Variants in AUNIP observed in about 807,000 individuals in gnomAD.
The protein encoded by AUNIP is aurora kinase A and ninein interacting protein.
In AUNIP, 16 loss-of-function variants were observed where a neutral mutation model predicts 12.2. The ratio of observed to expected loss-of-function variants is 1.31; its 90% CI spans 0.88 to 1.99. AUNIP has a LOEUF of 1.99. Among genes scored for constraint, AUNIP ranks in the 30% most tolerant of loss-of-function variants. The pLI, the probability that AUNIP is intolerant of heterozygous loss-of-function variation, is 0.00. For missense variants in AUNIP, 411 were observed against 419.1 expected, an observed-to-expected ratio of 0.98 and a Z score of 0.17; for synonymous variants, 142 against 154.8, an observed-to-expected ratio of 0.92 and a Z score of 0.61.
At chr1:25,851,147 T>C (rs2048421583) in intron 1 of AUNIP, among the ~76,000 whole-genome samples, 1 of 152,198 alleles carries the variant, frequency 6.6e-6, no homozygotes, top group South Asian at 2.1e-4. Flanking sequence ...GGTTTTTGTC[T>C]TTTATGCTAT....
At chr1:25,833,364 C>G (rs1210277659), downstream of AUNIP, among the ~76,000 whole-genome samples, 1 of 152,112 alleles carries the variant, frequency 6.6e-6, no homozygotes, top group African/African-American at 2.4e-5. Flanking sequence ...AAACCTCCCA[C>G]CTCAGCCTCC....
chr1:25,852,460 G>T (rs7414940), intron 1 of AUNIP, among the ~76,000 whole-genome samples: 20,688 of 112,996 alleles, frequency 0.18, 2,054 homozygotes, highest in African/African-American at 0.24. Context: ...TTTTTTTTTT[G>T]TTGTTTTTTT....
At chr1:25,846,607 A>C (rs213625) in intron 1 of AUNIP, among the ~76,000 whole-genome samples, 32,651 of 151,874 alleles carry the variant, frequency 0.21, 3,780 homozygotes, top group African/African-American at 0.27. Flanking sequence ...CCTCTAATCC[A>C]AGCTACTCAG....
rs1036912222 is a variant in AUNIP at position 25,847,524 on chromosome 1, A to G, written c.79-9970T>C. Among the ~76,000 whole-genome samples, 1 of 151,962 alleles carries G rather than the reference A, an allele frequency of 6.6e-6. No individual in the cohort carries two copies. On this transcript the variant is annotated intron_variant, in intron 1 of 2. Transcript: ENST00000374298. The surrounding 1 kb of genome is among the most constrained non-coding windows in gnomAD (Gnocchi z 4.2). ...AAGTGATCTGCCCACCTCAGCCTCC[A>G]AAAGTGCTGGGATTACAGGCATAAA...
chr1:25,858,659 T>C (rs1206682974), intron 1 of AUNIP, among the ~76,000 whole-genome samples: 1 of 152,204 alleles, frequency 6.6e-6, no homozygotes, highest in Non-Finnish European at 1.5e-5. Flanking sequence ...CCTAGGTTAG[T>C]TACTGAACCT....
intron 1 of AUNIP, among the ~76,000 whole-genome samples, chr1:25,837,805 TAAAC>T (rs2048315587): frequency 6.6e-6 from 1 of 152,218 alleles, no homozygotes. Context: ...TCAGGCTGAC[TAAAC>T]AAACAGGATT....
chr1:25,843,172 C>CA (rs1216108790), intron 1 of AUNIP, among the ~76,000 whole-genome samples: 6,914 of 134,768 alleles, frequency 0.051, 577 homozygotes, highest in African/African-American at 0.19. Flanking sequence ...GACCCCATCT[C>CA]AAAAAAAAAA....
intron 1 of AUNIP, among the ~76,000 whole-genome samples, chr1:25,846,744 A>AT (rs145243406): frequency 0.012 from 1,888 of 152,230 alleles, 40 homozygotes; most frequent in African/African-American, 0.043. Context: ...TGCTAATGAG[A>AT]TTTTTTTCAC....
At chr1:25,838,270 C>T (rs559579283) in intron 1 of AUNIP, among the ~76,000 whole-genome samples, 206 of 150,442 alleles carry the variant, frequency 1.4e-3, no homozygotes, top group African/African-American at 4.8e-3. Context: ...TTTGGGAGGC[C>T]GAGGCGGGTG....
downstream of AUNIP, among the ~76,000 whole-genome samples, chr1:25,833,166 G>A (rs1445240256): frequency 6.6e-6 from 1 of 151,914 alleles, no homozygotes; most frequent in East Asian, 1.9e-4. Context: ...ATGCCGGAGT[G>A]CAGTGGTGGG....
At chr1:25,854,953 C>CTTTTTTTTTTT (rs1159770557) in intron 1 of AUNIP, among the ~76,000 whole-genome samples, 1 of 121,122 alleles carries the variant, frequency 8.3e-6, no homozygotes, top group African/African-American at 3.4e-5. Context: ...AGAATTCTTT[C>CTTTTTTTTTTT]TTTTTTTTTT....
chr1:25,857,817 C>T (rs979736073), intron 1 of AUNIP, among the ~76,000 whole-genome samples: 1 of 148,898 alleles, frequency 6.7e-6, no homozygotes, highest in Non-Finnish European at 1.5e-5. Context: ...GAGCTTAGAT[C>T]GCGCCACTGC....
At chr1:25,842,353 A>G (rs2048352581) in intron 1 of AUNIP, among the ~76,000 whole-genome samples, 1 of 152,254 alleles carries the variant, frequency 6.6e-6, no homozygotes, top group African/African-American at 2.4e-5. Context: ...ATTCAATTCT[A>G]TGCAAGCTGA....
chr1:25,834,317 T>TAA lies in AUNIP; in HGVS notation c.*674_*675dup. The TAA allele has an allele frequency of 8.1e-6, 8 of 985,090 alleles. No homozygotes were observed. The highest frequency in any genetic ancestry group is 9.6e-6 in the Non-Finnish European group (8 of 829,906). 61.0% of individuals were successfully genotyped at this position (985,090 alleles called of 1,614,324 possible). On this transcript the variant is annotated 3_prime_UTR_variant, in exon 3 of 3. Coordinates refer to ENST00000374298, the MANE Select transcript of AUNIP (RefSeq NM_024037.3). ...ATGTGGGTTAAGATCAGCCAGAGAT[T>TAA]AAAAGCTCACACATCTGGCTGGGCG...
At chr1:25,851,388 G>T (rs2048422941) in intron 1 of AUNIP, among the ~76,000 whole-genome samples, 1 of 152,158 alleles carries the variant, frequency 6.6e-6, no homozygotes, top group Non-Finnish European at 1.5e-5. Flanking sequence ...CTCAAAATGA[G>T]TTGGAAAGTG....
chr1:25,845,445 A>G (rs2048374951), intron 1 of AUNIP, among the ~76,000 whole-genome samples: 1 of 151,990 alleles, frequency 6.6e-6, no homozygotes, highest in African/African-American at 2.4e-5. Context: ...ATGGCCTCCA[A>G]TCTCCTCATT....
chr1:25,835,909 T>C (rs906123179), intron 2 of AUNIP, 63 bp from the exon 3 acceptor site: 1 of 1,564,982 alleles, frequency 6.4e-7, no homozygotes, highest in African/African-American at 1.4e-5. Flanking sequence ...AGGATTCAGT[T>C]GGCTTTTTCT....
chr1:25,859,341 G>A lies in AUNIP; in HGVS notation c.17C>T (p.Pro6Leu), dbSNP rs1274756582. The A allele has an allele frequency of 2.6e-6, 4 of 1,550,626 alleles. No homozygotes were observed. The highest frequency in any genetic ancestry group is 3.5e-6 in the Non-Finnish European group (4 of 1,150,726). Residue 6 changes from proline to leucine, a missense_variant, in exon 1 of 3, where the codon CCC becomes CTC. Transcript: ENST00000374298. ...CCACACGCCGCAGGCCTCCTCCTCGGGGCCTGTCCGCCTCATGGCCGCTGA... is the reference window on the plus strand; with the variant it reads ...CCACACGCCGCAGGCCTCCTCCTCGAGGCCTGTCCGCCTCATGGCCGCTGA... MRRTG[P>L]EEEACGVWLD...
chr1:25,852,243 T>C (rs535122410), intron 1 of AUNIP, among the ~76,000 whole-genome samples: 1 of 152,110 alleles, frequency 6.6e-6, no homozygotes, highest in South Asian at 2.1e-4. Context: ...TGTGAGCCAC[T>C]GTGCTCTCTT....
Sources: allele counts gnomAD v4.1 joint callset (sites outside exome capture counted in the v4.1 genomes callset), GRCh38; gene constraint gnomAD v4.1.1; non-coding constraint Gnocchi (gnomAD v3.1); transcripts MANE v1.5; gene names NCBI Gene and HGNC (gene_info 2026-07-23, HGNC 2026-07-21).